DDR2: variants seen among roughly 807,000 people sequenced by gnomAD.
DDR2 encodes the protein discoidin domain receptor tyrosine kinase 2.
Under a neutral mutation model 94.9 loss-of-function variants are expected in DDR2, and 27 were observed. The observed-to-expected ratio is 0.28, with a 90% CI of 0.21 to 0.39. The LOEUF (loss-of-function observed/expected upper bound fraction) is 0.39, where lower values mean the gene tolerates loss of function less well. Ranked by LOEUF, DDR2 falls within the 10% of genes least tolerant of loss-of-function variation. The pLI is 1.00. For synonymous variants in DDR2, 382 were observed against 377.2 expected, an observed-to-expected ratio of 1.01 and a Z score of -0.15; for missense variants, 783 against 1,076.0, an observed-to-expected ratio of 0.73 and a Z score of 3.81.
intron 3 of DDR2, among the ~76,000 whole-genome samples, chr1:162,744,863 T>C (rs966726012): frequency 1.3e-5 from 2 of 152,250 alleles, no homozygotes; most frequent in African/African-American, 4.8e-5. Flanking sequence ...CTTGGGTATA[T>C]ACCAGAAGTG....
intron 3 of DDR2, among the ~76,000 whole-genome samples, chr1:162,742,933 G>A (rs1436375379): frequency 2.0e-5 from 3 of 152,030 alleles, no homozygotes; most frequent in African/African-American, 7.2e-5. Context: ...GGATAGCACG[G>A]GAAAGACGGG....
Position 162,786,272 on chromosome 1 carries a change from T to C in DDR2, c.*6026T>C, listed in dbSNP as rs1187655113. On this transcript the variant is annotated 3_prime_UTR_variant, in exon 18 of 18. Transcript: ENST00000367921. ...CCTATTCTTCTACCTTGTTGCCTGG[T>C]AACTTTTTCTGAGGACTGAGTTTCT... The C allele has an allele frequency of 1.3e-5, 2 of 152,232 alleles. No individual in the cohort carries two copies. The highest frequency in any genetic ancestry group is 2.9e-5 in the Non-Finnish European group (2 of 68,052). The allele number at this position is 152,232 out of a possible 1,614,324, so 9.4% of individuals were successfully genotyped here.
Position 162,772,303 on chromosome 1 carries a change from A to T in DDR2, c.1728+56A>T, listed in dbSNP as rs781723136. 3.8e-6 allele frequency: 6 copies of T among 1,563,306 alleles called. No individual in the cohort carries two copies. In the African/African-American group the frequency reaches 8.1e-5, roughly 21 times the overall value. ...CGAAGAAGGTGGTTGGATAAAAATGATCAGTAGAACAAAGAGTCCCTTCCA... is the reference window on the plus strand; with the variant it reads ...CGAAGAAGGTGGTTGGATAAAAATGTTCAGTAGAACAAAGAGTCCCTTCCA... On this transcript the variant is annotated intron_variant, in intron 13 of 17. Transcript: ENST00000367921.
rs532316068 is a variant in DDR2 at position 162,635,705 on chromosome 1, G to C, written c.-192+3074G>C. ...TCTGAATGCAGCAACCATCCATAAT[G>C]AGGACTGTTCACCAGGAAATTAGAA... On this transcript the variant is annotated intron_variant, in intron 1 of 17. Transcript: ENST00000367921. Among the ~76,000 whole-genome samples, 5 of 152,270 alleles carry C rather than the reference G, an allele frequency of 3.3e-5. No individual in the cohort carries two copies. The East Asian group carries it at 9.7e-4, about 29-fold the overall frequency.
intron 2 of DDR2, among the ~76,000 whole-genome samples, chr1:162,688,668 G>A (rs1313554541): frequency 6.6e-6 from 1 of 152,234 alleles, no homozygotes; most frequent in Non-Finnish European, 1.5e-5. Context: ...CCATAAAGAA[G>A]ACTGCCATGA....
Position 162,775,839 on chromosome 1 carries a change from G to A in DDR2, c.2044G>A (p.Val682Ile), listed in dbSNP as rs1244437003. 3 of 1,613,936 alleles carry A rather than the reference G, an allele frequency of 1.9e-6. No individual in the cohort carries two copies. The highest frequency in any genetic ancestry group is 1.3e-5 in the African/African-American group (1 of 75,034). Reference protein sequence around the residue: ...PNSSSSDVRTVSYTNLKFMAT... With the variant: ...PNSSSSDVRTISYTNLKFMAT... ...TTCTTCCTCCAGCGATGTACGCACTGTCAGGTAAACAAGCCAGGTCTTCCT... is the reference window on the plus strand; with the variant it reads ...TTCTTCCTCCAGCGATGTACGCACTATCAGGTAAACAAGCCAGGTCTTCCT... Residue 682 changes from valine to isoleucine, a missense_variant, in exon 15 of 18, where the codon GTC becomes ATC. Val to Ile is a conservative substitution (Grantham distance 29). Coordinates refer to ENST00000367921, the MANE Select transcript of DDR2 (RefSeq NM_006182.4).
At chr1:162,636,385 A>G (rs917031530) in intron 1 of DDR2, among the ~76,000 whole-genome samples, 3 of 152,140 alleles carry the variant, frequency 2.0e-5, no homozygotes, top group African/African-American at 7.2e-5. Flanking sequence ...TTCTCCTGGA[A>G]ATTGGATATT....
intron 16 of DDR2, among the ~76,000 whole-genome samples, chr1:162,776,939 A>G (rs549785472): frequency 7.2e-5 from 11 of 152,220 alleles, no homozygotes; most frequent in South Asian, 2.1e-4. Context: ...TGTTGATTTT[A>G]TAACCACTCA....
intron 2 of DDR2, among the ~76,000 whole-genome samples, chr1:162,677,860 C>T (rs567974899): frequency 3.4e-4 from 52 of 152,330 alleles, no homozygotes; most frequent in African/African-American, 1.2e-3. Flanking sequence ...GCTTTCACAT[C>T]TACTTTATAT....
rs1324912200 is a variant in DDR2 at position 162,729,298 on chromosome 1, A to ATGTTTTTT, written c.82+10154_82+10155insGTTTTTTT. Among the ~76,000 whole-genome samples, 47 of 34,458 alleles carry ATGTTTTTT rather than the reference A, an allele frequency of 1.4e-3. 1 individual carries two copies. Among genetic ancestry groups the ATGTTTTTT allele is most frequent in the African/African-American group, 3.1e-3 (45 of 14,514 alleles). The allele number at this position is 34,458 out of a possible 152,430, so 22.6% of individuals were successfully genotyped here. ...TATCCATTTATATATATATATATATATATTTTTTTTTTTTTTTTTTTTCCT... is the reference window on the plus strand; with the variant it reads ...TATCCATTTATATATATATATATATATGTTTTTTTATTTTTTTTTTTTTTTTTTTTCCT... On this transcript the variant is annotated intron_variant, in intron 3 of 17. Coordinates refer to ENST00000367921, the MANE Select transcript of DDR2 (RefSeq NM_006182.4).
intron 8 of DDR2, 128 bp downstream of exon 8, chr1:162,760,107 T>A: frequency 1.6e-6 from 2 of 1,229,666 alleles, no homozygotes; most frequent in Non-Finnish European, 1.2e-6. Context: ...ACTAACTAGC[T>A]AAATGCATTT....
intron 2 of DDR2, among the ~76,000 whole-genome samples, chr1:162,700,799 CT>C (rs1279823685): frequency 2.0e-5 from 3 of 152,188 alleles, no homozygotes; most frequent in African/African-American, 7.2e-5. Context: ...TCATTAATTA[CT>C]TACAGGGCTC....
intron 3 of DDR2, among the ~76,000 whole-genome samples, chr1:162,741,922 T>C (rs1662632083): frequency 6.6e-6 from 1 of 152,200 alleles, no homozygotes; most frequent in Non-Finnish European, 1.5e-5. Context: ...AGCAGGCCCC[T>C]GAGAGGGCCA....
intron 12 of DDR2, among the ~76,000 whole-genome samples, chr1:162,771,143 TGTCA>T (rs1664247616): frequency 6.6e-6 from 1 of 152,184 alleles, no homozygotes; most frequent in Non-Finnish European, 1.5e-5. Context: ...CAGTAAGTAG[TGTCA>T]GTTGATTCAA....
chr1:162,755,011 GAATAT>G lies in DDR2; in HGVS notation c.418-144_418-140del. On this transcript the variant is annotated intron_variant, in intron 5 of 17. Coordinates refer to ENST00000367921, the MANE Select transcript of DDR2 (RefSeq NM_006182.4). Reference sequence around the variant, plus strand: ...ACCCAGGGTGAGGGAGGCAGGGAAGGAATATCAAGGCTGTGGGGAAAGCAGAGTAG... The same window carrying G: ...ACCCAGGGTGAGGGAGGCAGGGAAGGCAAGGCTGTGGGGAAAGCAGAGTAG... 1.0e-5 allele frequency: 15 copies of G among 1,428,730 alleles called. No homozygotes were observed. In the Admixed American group the frequency reaches 2.8e-4, roughly 26 times the overall value. 88.5% of individuals were successfully genotyped at this position (1,428,730 alleles called of 1,614,324 possible). A position where few individuals can be genotyped will look rare whatever the true frequency, so the allele number is the denominator to read the frequency against.
intron 2 of DDR2, among the ~76,000 whole-genome samples, chr1:162,670,251 C>T (rs1197938872): frequency 6.6e-6 from 1 of 152,178 alleles, no homozygotes; most frequent in Non-Finnish European, 1.5e-5. Context: ...GCTGGGATTA[C>T]AGGCATGCGC....
intron 3 of DDR2, among the ~76,000 whole-genome samples, chr1:162,741,241 A>G (rs1358100876): frequency 0.013 from 1,620 of 126,848 alleles, 55 homozygotes; most frequent in African/African-American, 0.045. Flanking sequence ...ATATAATATA[A>G]TATAGTATAA....
Position 162,702,235 on chromosome 1 carries a change from G to T in DDR2, c.-27-16802G>T, listed in dbSNP as rs569921947. Among the ~76,000 whole-genome samples the T allele has an allele frequency of 4.6e-5, 7 of 152,088 alleles. No homozygotes were observed. The South Asian group carries it at 8.3e-4, about 18-fold the overall frequency. The stretch of plus-strand genomic sequence containing the variant: ...TTCATCTTTGTTCGTTGCAATTATT[G>T]TCACTCTGTCTTCCTTCTTGGATTA... On this transcript the variant is annotated intron_variant, in intron 2 of 17. Coordinates refer to ENST00000367921, the MANE Select transcript of DDR2 (RefSeq NM_006182.4).
chr1:162,637,870 C>T (rs1251487463), intron 1 of DDR2, among the ~76,000 whole-genome samples: 1 of 152,110 alleles, frequency 6.6e-6, no homozygotes, highest in Non-Finnish European at 1.5e-5. Context: ...ACAACAGACA[C>T]ACATAGCAGT....
Sources: gnomAD v4.1 joint callset for allele counts (sites outside exome capture counted in the v4.1 genomes callset) on GRCh38, gnomAD v4.1.1 for gene constraint, MANE v1.5 for transcripts, NCBI Gene and HGNC (gene_info 2026-07-23, HGNC 2026-07-21) for gene names.